Variants in B4GALNT2 observed in about 807,000 individuals in gnomAD.
B4GALNT2 encodes the protein beta-1,4-N-acetyl-galactosaminyltransferase 2 (SID blood group).
B4GALNT2 carries 42 observed loss-of-function variants against 51.1 expected under a neutral mutation model. That is an observed-to-expected ratio of 0.82 (90% CI 0.64 to 1.06). The LOEUF (loss-of-function observed/expected upper bound fraction) is 1.06, where lower values mean the gene tolerates loss of function less well. Ranked by LOEUF, B4GALNT2 falls within the 50% of genes least tolerant of loss-of-function variation. B4GALNT2 has a pLI of 0.00. For synonymous variants in B4GALNT2, 253 were observed against 251.7 expected, an observed-to-expected ratio of 1.01 and a Z score of -0.05; for missense variants, 602 against 633.6, an observed-to-expected ratio of 0.95 and a Z score of 0.54.
intron 2 of B4GALNT2, 118 bp downstream of exon 2, chr17:49,141,565 T>C: frequency 1.8e-6 from 2 of 1,118,098 alleles, no homozygotes; most frequent in Non-Finnish European, 2.6e-6. Flanking sequence ...CCTAAGCCTG[T>C]GCTGAATGCA....
rs1473721708 is a variant in B4GALNT2, at chr17:49,142,034, G to A, written c.216-1G>A. 1 of 1,614,022 alleles carries A rather than the reference G, an allele frequency of 6.2e-7. No homozygotes were observed. The highest frequency in any genetic ancestry group is 8.5e-7 in the Non-Finnish European group (1 of 1,180,038). On this transcript the variant is annotated splice_acceptor_variant, in intron 2 of 10. Coordinates refer to ENST00000393354, the MANE Select transcript of B4GALNT2 (RefSeq NM_001159387.2). LOFTEE classifies it high-confidence loss of function. Reference sequence around the variant, plus strand: ...GTTTACAGTCCTCTTGCTTGTTTCAGGCTGTTCCCGAAAAATCAGTGCAAA... The same window carrying A: ...GTTTACAGTCCTCTTGCTTGTTTCAAGCTGTTCCCGAAAAATCAGTGCAAA...
At chr17:49,136,022 G>A (rs1018377836) in intron 1 of B4GALNT2, among the ~76,000 whole-genome samples, 1 of 150,952 alleles carries the variant, frequency 6.6e-6, no homozygotes, top group Non-Finnish European at 1.5e-5. Context: ...GGTGGAGCTC[G>A]CAGTGAGCTG....
chr17:49,165,661 C>T (rs1200019418), intron 8 of B4GALNT2, among the ~76,000 whole-genome samples: 1 of 147,916 alleles, frequency 6.8e-6, no homozygotes, highest in Non-Finnish European at 1.5e-5. Flanking sequence ...TCTCTCTCTC[C>T]TTGCTACTCT....
the B4GALNT2 span, among the ~76,000 whole-genome samples, chr17:49,122,166 G>A: frequency 2.3e-4 from 35 of 152,282 alleles, no homozygotes; most frequent in Non-Finnish European, 2.6e-4. Flanking sequence ...GTTTCTGGTC[G>A]GAGATGTCAT....
intron 9 of B4GALNT2, among the ~76,000 whole-genome samples, chr17:49,167,519 C>T (rs923836392): frequency 2.0e-5 from 3 of 151,668 alleles, no homozygotes; most frequent in African/African-American, 7.3e-5. Context: ...ACATGTATTA[C>T]GTAGTGGTGA....
intron 4 of B4GALNT2, among the ~76,000 whole-genome samples, chr17:49,153,659 AC>A (rs2042780682): frequency 6.6e-6 from 1 of 151,852 alleles, no homozygotes; most frequent in South Asian, 2.1e-4. Context: ...GGCATCTGCC[AC>A]CATGCCTGGC....
Position 49,160,625 on chromosome 17 carries a change from A to G in B4GALNT2, c.750A>G (p.Leu250=), listed in dbSNP as rs753774586. 5.6e-6 allele frequency: 9 copies of G among 1,614,088 alleles called. No individual in the cohort carries two copies. Among genetic ancestry groups the G allele is most frequent in the Non-Finnish European group, 7.6e-6 (9 of 1,179,982 alleles). ...TCCGCCATCCTGTCATACCCAAGCT[A>G]TACGACCCTGGACCAGGTAAGGCCC... is the stretch of plus-strand genomic sequence containing the variant. ...VTIRHPVIPK[L]YDPGPERKLR... Residue 250 remains leucine (L), a synonymous_variant, in exon 7 of 11, where the codon CTA becomes CTG. Coordinates refer to ENST00000393354, the MANE Select transcript of B4GALNT2 (RefSeq NM_001159387.2).
In B4GALNT2 at chr17:49,132,798, T is replaced by A; in HGVS notation, c.6T>A (p.Thr2=). 7.3e-7 allele frequency: 1 copy of A among 1,376,044 alleles called. No individual in the cohort carries two copies. Among genetic ancestry groups the A allele is most frequent in the South Asian group, 1.8e-5 (1 of 55,060 alleles). The allele number at this position is 1,376,044 out of a possible 1,614,324, so 85.2% of individuals were successfully genotyped here. Residue 2 remains threonine (T), a synonymous_variant, in exon 1 of 11, where the codon ACT becomes ACA. Transcript: ENST00000393354. ...TGAGGGCGGCGGGATTCGGGATGACTTCGGGCGGGTGAGTGTCCCCGGGGC... is the reference window on the plus strand; with the variant it reads ...TGAGGGCGGCGGGATTCGGGATGACATCGGGCGGGTGAGTGTCCCCGGGGC... M[T]SGGSRFLWLL...
rs1480303837 is a variant in B4GALNT2, at chr17:49,171,437, A to C, written c.*1709A>C. On this transcript the variant is annotated 3_prime_UTR_variant, in exon 11 of 11. Coordinates refer to ENST00000393354, the MANE Select transcript of B4GALNT2 (RefSeq NM_001159387.2). ...TAAATATTTGTTCTTTTAATTTTGC[A>C]ATATGCAAAGACAAGTTTGTAGAGT... 3 of 413,054 alleles carry C rather than the reference A, an allele frequency of 7.3e-6. No homozygotes were observed. The highest frequency in any genetic ancestry group is 1.4e-5 in the Non-Finnish European group (3 of 214,854). 25.6% of individuals were successfully genotyped at this position (413,054 alleles called of 1,614,324 possible).
At chr17:49,158,251 T>C (rs1377145957) in intron 5 of B4GALNT2, among the ~76,000 whole-genome samples, 1 of 152,204 alleles carries the variant, frequency 6.6e-6, no homozygotes, top group African/African-American at 2.4e-5. Flanking sequence ...AGTTCCATTT[T>C]GAAGACAACA....
At chr17:49,134,037 G>C (rs1018667984) in intron 1 of B4GALNT2, among the ~76,000 whole-genome samples, 1 of 152,200 alleles carries the variant, frequency 6.6e-6, no homozygotes, top group African/African-American at 2.4e-5. Flanking sequence ...CTTGGCTAAG[G>C]CTTTCATTCC....
chr17:49,132,313 CCG>C (rs1434092532), upstream of B4GALNT2: 3 of 163,318 alleles, frequency 1.8e-5, no homozygotes, highest in African/African-American at 7.2e-5. Flanking sequence ...GGGTCCCTGC[CCG>C]TTAGAAGGAT....
chr17:49,127,129 T>G, the B4GALNT2 span, among the ~76,000 whole-genome samples: 3 of 152,250 alleles, frequency 2.0e-5, no homozygotes, highest in Admixed American at 2.0e-4. Context: ...AACCAGTTAA[T>G]TTACTTCAGG....
intron 3 of B4GALNT2, among the ~76,000 whole-genome samples, chr17:49,151,485 C>A (rs148401607): frequency 6.2e-4 from 94 of 152,056 alleles, no homozygotes; most frequent in African/African-American, 2.2e-3. Context: ...TGGTGGCTAA[C>A]ATTTGTAATC....
At chr17:49,144,498 T>C (rs2042674301) in intron 3 of B4GALNT2, among the ~76,000 whole-genome samples, 1 of 152,244 alleles carries the variant, frequency 6.6e-6, no homozygotes, top group Non-Finnish European at 1.5e-5. Flanking sequence ...TAGTTAACAG[T>C]GCTGCCGCGG....
rs1255523884 is a variant in B4GALNT2, at chr17:49,175,076, A to G, written c.*5348A>G. 6.6e-6 allele frequency: 1 copy of G among 152,150 alleles called. No homozygotes were observed. Among genetic ancestry groups the G allele is most frequent in the Non-Finnish European group, 1.5e-5 (1 of 68,032 alleles). 9.4% of individuals were successfully genotyped at this position (152,150 alleles called of 1,614,324 possible). ...CACAATGCAAAATATAATTACTTTGATATACTTCAGGGGCTTTACCAACTC... is the reference window on the plus strand; with the variant it reads ...CACAATGCAAAATATAATTACTTTGGTATACTTCAGGGGCTTTACCAACTC... On this transcript the variant is annotated 3_prime_UTR_variant, in exon 11 of 11. Transcript: ENST00000393354.
intron 1 of B4GALNT2, 128 bp downstream of exon 1, chr17:49,132,934 C>T: frequency 1.4e-6 from 2 of 1,380,564 alleles, no homozygotes; most frequent in Non-Finnish European, 1.9e-6. Context: ...AGGGAGCGGG[C>T]GGTTGGAGTC....
In B4GALNT2 at chr17:49,163,649, G is replaced by A. The variant is rs535865512; in HGVS notation, c.767-439G>A. ...TGCATGCCTATAATCCCAGCTACTT[G>A]GGAGGCTGAGGCAGGAGAATCACTT... On this transcript the variant is annotated intron_variant, in intron 7 of 10. Coordinates refer to ENST00000393354, the MANE Select transcript of B4GALNT2 (RefSeq NM_001159387.2). 4.6e-5 allele frequency among the ~76,000 whole-genome samples: 7 copies of A among 151,766 alleles called. 1 individual carries two copies. The highest frequency in any genetic ancestry group is 1.7e-4 in the African/African-American group (7 of 41,354).
Position 49,160,713 on chromosome 17 carries a change from C to G in B4GALNT2, c.766+72C>G, listed in dbSNP as rs1453295066. The stretch of plus-strand genomic sequence containing the variant: ...TATTGGTGAAATTCAGAAGGGATCA[C>G]CTCTGAGACGGAGGAGAATTGATCA... On this transcript the variant is annotated intron_variant, in intron 7 of 10. Transcript: ENST00000393354. 9 of 1,360,314 alleles carry G rather than the reference C, an allele frequency of 6.6e-6. No homozygotes were observed. In the East Asian group the frequency reaches 2.1e-4, roughly 31 times the overall value. The allele number at this position is 1,360,314 out of a possible 1,614,324, so 84.3% of individuals were successfully genotyped here. A position where few individuals can be genotyped will look rare whatever the true frequency, so the allele number is the denominator to read the frequency against.
Sources: gnomAD v4.1 joint callset for allele counts (sites outside exome capture counted in the v4.1 genomes callset) on GRCh38, gnomAD v4.1.1 for gene constraint, MANE v1.5 for transcripts, NCBI Gene and HGNC (gene_info 2026-07-23, HGNC 2026-07-21) for gene names.